The following PLEKHA2 variants were observed in gnomAD, a reference collection of about 807,000 sequenced individuals.
PLEKHA2 encodes the protein pleckstrin homology domain-containing family A member 2.
Under a neutral mutation model 53.2 loss-of-function variants are expected in PLEKHA2, and 28 were observed. That is an observed-to-expected ratio of 0.53 (90% CI 0.39 to 0.72). The LOEUF (loss-of-function observed/expected upper bound fraction) is 0.72, where lower values mean the gene tolerates loss of function less well. Among genes scored for constraint, PLEKHA2 ranks in the 30% least tolerant of loss-of-function variants. PLEKHA2 has a pLI of 0.00. For synonymous variants in PLEKHA2, 193 were observed against 196.4 expected (o/e 0.98, Z 0.14); for missense variants, 426 against 537.9 (o/e 0.79, Z 2.06).
chr8:38,948,077 C>A (rs536999613), intron 5 of PLEKHA2, among the ~76,000 whole-genome samples: 7 of 136,002 alleles, frequency 5.1e-5, no homozygotes, highest in African/African-American at 2.0e-4. Context: ...CAGAGCAAGA[C>A]TCCATCTCAA....
chr8:38,913,870 T>A (rs1227015034), intron 1 of PLEKHA2, among the ~76,000 whole-genome samples: 2 of 152,220 alleles, frequency 1.3e-5, no homozygotes, highest in East Asian at 3.8e-4. Context: ...CTCTCCTGTT[T>A]CTGAACTCAA....
intron 8 of PLEKHA2, 93 bp from the exon 9 acceptor site, chr8:38,953,204 A>G (rs1564147552): frequency 1.4e-5 from 14 of 1,009,710 alleles, no homozygotes; most frequent in South Asian, 1.3e-5. Flanking sequence ...ATTTTAGCCA[A>G]CCATCTCTGA....
chr8:38,939,231 T>G (rs760735702), intron 3 of PLEKHA2, among the ~76,000 whole-genome samples: 41 of 152,340 alleles, frequency 2.7e-4, no homozygotes, highest in Middle Eastern at 3.4e-3. Flanking sequence ...TCCGTGGGAC[T>G]CAGCAACAAG....
intron 4 of PLEKHA2, 22 bp from the exon 5 acceptor site, chr8:38,946,102 T>A: frequency 1.3e-6 from 2 of 1,573,294 alleles, no homozygotes; most frequent in African/African-American, 2.7e-5. Flanking sequence ...ATGTCTTCCC[T>A]TCTTTTCTGT....
At chr8:38,932,483 G>T (rs915544672) in intron 2 of PLEKHA2, among the ~76,000 whole-genome samples, 3 of 152,138 alleles carry the variant, frequency 2.0e-5, no homozygotes, top group African/African-American at 4.8e-5. Context: ...CAGGGAAGAG[G>T]GGGGACAGCT....
chr8:38,961,307 G>A (rs1446602346), intron 10 of PLEKHA2, among the ~76,000 whole-genome samples: 3 of 152,152 alleles, frequency 2.0e-5, no homozygotes, highest in African/African-American at 7.2e-5. Flanking sequence ...GGAGGCCAAG[G>A]CAGTGGATCA....
Position 38,913,747 on chromosome 8 carries a change from C to G in PLEKHA2, c.-23-4160C>G, listed in dbSNP as rs920426876. 3.9e-5 allele frequency among the ~76,000 whole-genome samples: 6 copies of G among 152,316 alleles called. No individual in the cohort carries two copies. The South Asian group carries it at 1.2e-3, about 32-fold the overall frequency. On this transcript the variant is annotated intron_variant, in intron 1 of 11. Coordinates refer to ENST00000617275, the MANE Select transcript of PLEKHA2 (RefSeq NM_021623.2). Reference sequence around the variant, plus strand: ...GGCTTCTTTCCAGGATATGCTCCCCCGCCCCCAGCCAGCGCCAGACCACTC... The same window carrying G: ...GGCTTCTTTCCAGGATATGCTCCCCGGCCCCCAGCCAGCGCCAGACCACTC...
chr8:38,915,231 C>T (rs1372842791), intron 1 of PLEKHA2, among the ~76,000 whole-genome samples: 1 of 152,200 alleles, frequency 6.6e-6, no homozygotes, highest in Non-Finnish European at 1.5e-5. Flanking sequence ...CAGTTGTGAG[C>T]CACTGCACCC....
At chr8:38,950,715 G>A in intron 5 of PLEKHA2, 135 bp from the exon 6 acceptor site, 1 of 1,065,334 alleles carries the variant, frequency 9.4e-7, no homozygotes, top group Non-Finnish European at 1.3e-6. Context: ...GACTGTGGAA[G>A]GCTTGGGGAG....
At position 38,948,638 on chromosome 8, in the gene PLEKHA2, T is replaced by C. The variant is rs73674659; in HGVS notation, c.346-2212T>C. On this transcript the variant is annotated intron_variant, in intron 5 of 11. Transcript: ENST00000617275. ...GCCCAGCATAATCAGGGTGCTCTTATTGTTTTGAACAGACACCAAATGACA... is the reference window on the plus strand; with the variant it reads ...GCCCAGCATAATCAGGGTGCTCTTACTGTTTTGAACAGACACCAAATGACA... Among the ~76,000 whole-genome samples the C allele has an allele frequency of 6.4e-3, 981 of 152,256 alleles. 12 individuals are homozygous for C. The highest frequency in any genetic ancestry group is 0.019 in the African/African-American group (807 of 41,550).
intron 3 of PLEKHA2, among the ~76,000 whole-genome samples, chr8:38,942,019 T>TA (rs1246305848): frequency 5.3e-5 from 8 of 152,234 alleles, no homozygotes; most frequent in Non-Finnish European, 1.0e-4. Context: ...CAGTCATTGT[T>TA]AGACCCTAAC....
At chr8:38,967,024 G>T (rs1163917147) in intron 10 of PLEKHA2, among the ~76,000 whole-genome samples, 1 of 140,538 alleles carries the variant, frequency 7.1e-6, no homozygotes, top group African/African-American at 2.6e-5. Flanking sequence ...TTAGCTCCCA[G>T]TTATAAGTGA....
Position 38,968,672 on chromosome 8 carries a change from A to C in PLEKHA2, c.915+3A>C. 6.2e-7 allele frequency: 1 copy of C among 1,613,874 alleles called. No homozygotes were observed. Among genetic ancestry groups the C allele is most frequent in the South Asian group, 1.1e-5 (1 of 91,082 alleles). ...AGGCCCTCAAGTGCCACCCCAGAGT[A>C]AGTCACTTCCTTTCTGTTGCACAGT... On this transcript the variant is annotated splice_donor_region_variant and intron_variant, in intron 11 of 11. Coordinates refer to ENST00000617275, the MANE Select transcript of PLEKHA2 (RefSeq NM_021623.2).
chr8:38,965,326 T>C (rs1425662833), intron 10 of PLEKHA2, among the ~76,000 whole-genome samples: 1 of 152,152 alleles, frequency 6.6e-6, no homozygotes, highest in Middle Eastern at 3.2e-3. Context: ...GCAGGTGGCC[T>C]GTGGCCTGTG....
Position 38,952,157 on chromosome 8 carries a change from T to C in PLEKHA2, c.487-9T>C, listed in dbSNP as rs1291386009. ...GGGAGGCGCTGATACTGACACTGTT[T>C]CCTTGCAGAACGGTGGGGATGGGCA... On this transcript the variant is annotated splice_polypyrimidine_tract_variant and intron_variant, in intron 6 of 11. Transcript: ENST00000617275. 2 of 1,611,280 alleles carry C rather than the reference T, an allele frequency of 1.2e-6. No homozygotes were observed. Among genetic ancestry groups the C allele is most frequent in the Middle Eastern group, 1.7e-4 (1 of 5,904 alleles).
intron 10 of PLEKHA2, among the ~76,000 whole-genome samples, chr8:38,963,095 A>G (rs1007965022): frequency 1.3e-5 from 2 of 152,222 alleles, no homozygotes; most frequent in African/African-American, 4.8e-5. Flanking sequence ...GCTTCAAACC[A>G]TTGTATCTAT....
intron 3 of PLEKHA2, among the ~76,000 whole-genome samples, chr8:38,937,920 T>A (rs1309636244): frequency 6.6e-6 from 1 of 152,078 alleles, no homozygotes; most frequent in Non-Finnish European, 1.5e-5. Context: ...CTGTTCAGGG[T>A]GTGTGCTTCT....
chr8:38,914,847 G>A (rs2152366155), intron 1 of PLEKHA2, among the ~76,000 whole-genome samples: 1 of 152,320 alleles, frequency 6.6e-6, no homozygotes, highest in African/African-American at 2.4e-5. Flanking sequence ...TGAAGGTGTG[G>A]CTCATCCCAC....
intron 3 of PLEKHA2, among the ~76,000 whole-genome samples, chr8:38,942,696 T>A (rs1462820195): frequency 6.6e-6 from 1 of 152,200 alleles, no homozygotes; most frequent in East Asian, 1.9e-4. Context: ...TTGTCCCTAA[T>A]CTTTGTGGGC....
Sources: allele counts gnomAD v4.1 joint callset (sites outside exome capture counted in the v4.1 genomes callset), GRCh38; gene constraint gnomAD v4.1.1; transcripts MANE v1.5; gene names NCBI Gene and HGNC (gene_info 2026-07-23, HGNC 2026-07-21).